CDC14A: variants seen among roughly 807,000 people sequenced by gnomAD.
The protein encoded by CDC14A is dual specificity protein phosphatase CDC14A.
In CDC14A, 53 loss-of-function variants were observed where a neutral mutation model predicts 74.4. The ratio of observed to expected loss-of-function variants is 0.71; its 90% confidence interval spans 0.57 to 0.89. CDC14A has a LOEUF of 0.89. Among genes scored for constraint, CDC14A ranks in the 40% least tolerant of loss-of-function variants. The pLI is 0.00. For missense variants in CDC14A, 646 were observed against 713.7 expected (o/e 0.91, Z 1.08); for synonymous variants, 247 against 258.4 (o/e 0.96, Z 0.43).
At chr1:100,427,513 G>A (rs1182275100) in intron 5 of CDC14A, among the ~76,000 whole-genome samples, 1 of 152,028 alleles carries the variant, frequency 6.6e-6, no homozygotes, top group Admixed American at 6.6e-5. Flanking sequence ...TCATTTTTCT[G>A]GAGAGGCTTG....
intron 2 of CDC14A, among the ~76,000 whole-genome samples, chr1:100,356,491 T>G (rs1263127391): frequency 1.3e-5 from 2 of 151,886 alleles, no homozygotes; most frequent in Admixed American, 1.3e-4. Context: ...AGGACATATA[T>G]CCTTCTCAAA....
intron 11 of CDC14A, chr1:100,485,053 G>A: frequency 1.0e-6 from 1 of 985,414 alleles, no homozygotes; most frequent in African/African-American, 1.7e-5. Context: ...ATCCATGTCT[G>A]TCTGAGTCCA....
rs1299522940 is a variant in CDC14A at position 100,378,738 on chromosome 1, C to G, written c.216+1117C>G. ...TTATAATTACTTTTAATGTTAAAAA[C>G]CACAATTACTTTTGAACCAACATAA... On this transcript the variant is annotated intron_variant, in intron 3 of 15. Transcript: ENST00000336454. 2.6e-5 allele frequency among the ~76,000 whole-genome samples: 4 copies of G among 152,120 alleles called. No individual in the cohort carries two copies. In the East Asian group the frequency reaches 7.7e-4, roughly 29 times the overall value.
At chr1:100,379,664 T>C (rs1199188180) in intron 3 of CDC14A, among the ~76,000 whole-genome samples, 3 of 152,234 alleles carry the variant, frequency 2.0e-5, no homozygotes, top group Non-Finnish European at 4.4e-5. Flanking sequence ...CTGTTTTGCA[T>C]TGCTATAAAG....
chr1:100,495,897 C>T, intron 12 of CDC14A, 105 bp from the exon 13 acceptor site: 1 of 920,544 alleles, frequency 1.1e-6, no homozygotes, highest in South Asian at 1.4e-5. Flanking sequence ...CTCCCTTTTG[C>T]TAATTTAATA....
At chr1:100,398,001 A>G (rs1316176391) in intron 4 of CDC14A, among the ~76,000 whole-genome samples, 1 of 152,224 alleles carries the variant, frequency 6.6e-6, no homozygotes, top group African/African-American at 2.4e-5. Context: ...GGTTGTGAGC[A>G]ATGACTTTAA....
intron 4 of CDC14A, chr1:100,393,962 A>AAT (rs71084822): frequency 0.29 from 62,338 of 216,248 alleles, 8,977 homozygotes; most frequent in East Asian, 0.37. Context: ...CGCAAAAAAA[A>AAT]ATATATATAT....
chr1:100,353,838 G>T lies in CDC14A; in HGVS notation c.126G>T (p.Glu42Asp). The T allele has an allele frequency of 6.2e-7, 1 of 1,602,804 alleles. No homozygotes were observed. ...CCCACTATTTCTCCATCGATGAGGA[G>T]CTGGTCTATGAAAAGTAAGTTTATG... Reference protein sequence around the residue: ...VNTHYFSIDEELVYENFYADF... With the variant: ...VNTHYFSIDEDLVYENFYADF... Residue 42 changes from glutamate to aspartate, a missense_variant, in exon 2 of 16, where the codon GAG (glutamate) becomes GAT (aspartate). Glu to Asp is a conservative substitution (Grantham distance 45, BLOSUM62 2). Transcript: ENST00000336454.
intron 5 of CDC14A, among the ~76,000 whole-genome samples, chr1:100,425,415 C>T (rs1427349817): frequency 1.3e-5 from 2 of 152,158 alleles, no homozygotes; most frequent in African/African-American, 4.8e-5. Flanking sequence ...CTGCTGTAAA[C>T]TCTCAGAGGG....
intron 4 of CDC14A, among the ~76,000 whole-genome samples, chr1:100,405,236 CT>C (rs1346566608): frequency 2.0e-5 from 3 of 152,198 alleles, no homozygotes; most frequent in Non-Finnish European, 4.4e-5. Context: ...TAGAACATGG[CT>C]CATTTATAGC....
chr1:100,379,851 G>A (rs1448947064), intron 3 of CDC14A, among the ~76,000 whole-genome samples: 1 of 152,010 alleles, frequency 6.6e-6, no homozygotes, highest in Non-Finnish European at 1.5e-5. Flanking sequence ...AGGGAGCAAG[G>A]GAGAGGGGAG....
chr1:100,479,738 C>G (rs1323193512), intron 10 of CDC14A, among the ~76,000 whole-genome samples: 1 of 152,128 alleles, frequency 6.6e-6, no homozygotes, highest in African/African-American at 2.4e-5. Flanking sequence ...TGTAGTAACA[C>G]TCAATTATAG....
rs370957989 is a variant in CDC14A at position 100,373,297 on chromosome 1, C to G, written c.141-4249C>G. 3.3e-5 allele frequency among the ~76,000 whole-genome samples: 5 copies of G among 152,146 alleles called. No individual in the cohort carries two copies. The East Asian group carries it at 9.6e-4, about 29-fold the overall frequency. On this transcript the variant is annotated intron_variant, in intron 2 of 15. Coordinates refer to ENST00000336454, the MANE Select transcript of CDC14A (RefSeq NM_003672.4). ...ATGGGGGAATGGCTAGTTGGTGAAG[C>G]AGTCAGAACACATATGACATTTATC...
rs113283997 is a variant in CDC14A at position 100,346,150 on chromosome 1, T to C, written c.-126+967T>C. 3.8e-3 allele frequency among the ~76,000 whole-genome samples: 570 copies of C among 151,950 alleles called. 4 individuals are homozygous for C. Among genetic ancestry groups the C allele is most frequent in the African/African-American group, 0.013 (540 of 41,434 alleles). Reference sequence around the variant, plus strand: ...TGTGCCACTGTACTTCCAGCCTGGGTGACAGAGCAAGACTCCATCTCAAAA... The same window carrying C: ...TGTGCCACTGTACTTCCAGCCTGGGCGACAGAGCAAGACTCCATCTCAAAA... On this transcript the variant is annotated intron_variant, in intron 1 of 14. Coordinates refer to the CDC14A transcript ENST00000635056.
rs71084822 is a variant in CDC14A, at chr1:100,393,962, A to AATAT, written c.309+3150_309+3153dup. Reference sequence around the variant, plus strand: ...GTTCCCCCTCCCCACCGCAAAAAAAAATATATATATATATAGCAGTGCATC... The same window carrying AATAT: ...GTTCCCCCTCCCCACCGCAAAAAAAAATATATATATATATATATAGCAGTGCATC... On this transcript the variant is annotated intron_variant, in intron 4 of 15. Coordinates refer to ENST00000336454, the MANE Select transcript of CDC14A (RefSeq NM_003672.4). 392 of 217,398 alleles carry AATAT rather than the reference A, an allele frequency of 1.8e-3. 3 individuals carry two copies. The highest frequency in any genetic ancestry group is 0.015 in the South Asian group (217 of 14,142). The allele number at this position is 217,398 out of a possible 1,614,324, so 13.5% of individuals were successfully genotyped here. A position where few individuals can be genotyped will look rare whatever the true frequency, so the allele number is the denominator to read the frequency against.
chr1:100,418,047 T>C (rs1190248988), intron 4 of CDC14A, among the ~76,000 whole-genome samples: 1 of 152,212 alleles, frequency 6.6e-6, no homozygotes, highest in African/African-American at 2.4e-5. Context: ...ACTGACTGTG[T>C]GACCTTGAGC....
intron 10 of CDC14A, among the ~76,000 whole-genome samples, chr1:100,470,285 G>A (rs1011570038): frequency 1.8e-4 from 28 of 151,882 alleles, no homozygotes; most frequent in African/African-American, 6.8e-4. Flanking sequence ...ACTAGAAATA[G>A]AAGGAAATTT....
intron 15 of CDC14A, among the ~76,000 whole-genome samples, chr1:100,500,978 C>T (rs922369055): frequency 6.6e-6 from 1 of 151,794 alleles, no homozygotes; most frequent in Non-Finnish European, 1.5e-5. Flanking sequence ...TCTGATGTTC[C>T]CTGTCCTATT....
At chr1:100,394,513 G>A (rs1658197135) in intron 4 of CDC14A, among the ~76,000 whole-genome samples, 26 of 152,188 alleles carry the variant, frequency 1.7e-4, no homozygotes. Flanking sequence ...GATTAAATTA[G>A]ATGCGTTGAG....
Sources: gnomAD v4.1 joint callset for allele counts (sites outside exome capture counted in the v4.1 genomes callset) on GRCh38, gnomAD v4.1.1 for gene constraint, MANE v1.5 for transcripts, NCBI Gene and HGNC (gene_info 2026-07-23, HGNC 2026-07-21) for gene names.